Variants in PRDM7 observed in about 807,000 individuals in gnomAD.
The protein encoded by PRDM7 is histone-lysine N-methyltransferase PRDM7.
A neutral mutation model predicts 64.3 loss-of-function variants in PRDM7; 52 were observed. That is an observed-to-expected ratio of 0.81 (90% CI 0.65 to 1.02). The LOEUF (loss-of-function observed/expected upper bound fraction) is 1.02. Among genes scored for constraint, PRDM7 ranks in the 50% least tolerant of loss-of-function variants. PRDM7 has a pLI of 0.00. For synonymous variants in PRDM7, 192 were observed against 210.1 expected (o/e 0.91, Z 0.74); for missense variants, 574 against 597.1 (o/e 0.96, Z 0.40).
Position 90,062,209 on chromosome 16 carries a change from C to T in PRDM7, c.611-17G>A, listed in dbSNP as rs747941235. ...TCTCACAATCTGGAAGTGAGGGAAG[C>T]AGGGATTAGGAAAGTTGTAATGCAT... is the stretch of plus-strand genomic sequence containing the variant. On this transcript the variant is annotated splice_polypyrimidine_tract_variant and intron_variant, in intron 7 of 10. Transcript: ENST00000449207. 30 of 1,614,262 alleles carry T rather than the reference C, an allele frequency of 1.9e-5. No individual in the cohort carries two copies. Among genetic ancestry groups the T allele is most frequent in the Non-Finnish European group, 2.3e-5 (27 of 1,180,046 alleles).
chr16:90,070,926 G>A (rs1400519306), intron 4 of PRDM7, among the ~76,000 whole-genome samples: 6 of 152,194 alleles, frequency 3.9e-5, no homozygotes, highest in South Asian at 2.1e-4. Flanking sequence ...ATGAAAATAT[G>A]CTTAACATCA....
intron 4 of PRDM7, 58 bp from the exon 5 acceptor site, chr16:90,066,968 T>C (rs1161455967): frequency 1.1e-5 from 15 of 1,409,226 alleles, no homozygotes; most frequent in Admixed American, 1.7e-5. Flanking sequence ...ACTCTAGAGA[T>C]TTTTTTTTCT....
At position 90,074,954 on chromosome 16, in the gene PRDM7, G is replaced by A; in HGVS notation, c.263C>T (p.Thr88Ile). Residue 88 changes from threonine to isoleucine, a missense_variant, in exon 4 of 11, where the codon ACA becomes ATA. Thr to Ile is a moderately conservative substitution (Grantham distance 89). Transcript: ENST00000449207. ...TGTCCATTCTTCATCGGAATCTTCT[G>A]TGTCATCCACCTGGAGTTTGATGGC... is the stretch of plus-strand genomic sequence containing the variant. Reference protein sequence around the residue: ...RQAIKLQVDDTEDSDEEWTPR... With the variant: ...RQAIKLQVDDIEDSDEEWTPR... 6.2e-7 allele frequency: 1 copy of A among 1,613,968 alleles called. No individual in the cohort carries two copies. The highest frequency in any genetic ancestry group is 8.5e-7 in the Non-Finnish European group (1 of 1,179,988).
chr16:90,072,683 G>A (rs1426008471), intron 4 of PRDM7, among the ~76,000 whole-genome samples: 3 of 152,156 alleles, frequency 2.0e-5, no homozygotes, highest in Admixed American at 2.0e-4. Flanking sequence ...AGTTAATAAA[G>A]TTGTACGCTT....
At chr16:90,070,219 T>C (rs1281033395) in intron 4 of PRDM7, among the ~76,000 whole-genome samples, 2 of 151,022 alleles carry the variant, frequency 1.3e-5, no homozygotes, top group African/African-American at 4.9e-5. Context: ...AATACCTCAA[T>C]ATGATGGTAT....
chr16:90,065,412 GAAAGAAAAGA>G (rs939333087), intron 5 of PRDM7, among the ~76,000 whole-genome samples: 2 of 123,470 alleles, frequency 1.6e-5, no homozygotes, highest in Non-Finnish European at 3.5e-5. Context: ...AAAAAAAAAA[GAAAGAAAAGA>G]AAAGAAAAGA....
In PRDM7 at chr16:90,067,676, T is replaced by A. The variant is rs534223674; in HGVS notation, c.302-766A>T. On this transcript the variant is annotated intron_variant, in intron 4 of 10. Transcript: ENST00000449207. ...CGCGAGGTCGGCTCACTGCAAGCTCTGCCTCCTGGGTTCAGGCCATTCTCC... is the reference window on the plus strand; with the variant it reads ...CGCGAGGTCGGCTCACTGCAAGCTCAGCCTCCTGGGTTCAGGCCATTCTCC... Among the ~76,000 whole-genome samples, 120 of 148,382 alleles carry A rather than the reference T, an allele frequency of 8.1e-4. 1 individual carries two copies. The highest frequency in any genetic ancestry group is 1.5e-3 in the Non-Finnish European group (101 of 67,614).
At chr16:90,070,556 C>G (rs2037941614) in intron 4 of PRDM7, among the ~76,000 whole-genome samples, 1 of 151,044 alleles carries the variant, frequency 6.6e-6, no homozygotes, top group Non-Finnish European at 1.5e-5. Context: ...TGAACTCCAG[C>G]CTGTGGCAAC....
At chr16:90,067,779 A>C (rs1471825824) in intron 4 of PRDM7, among the ~76,000 whole-genome samples, 1 of 150,540 alleles carries the variant, frequency 6.6e-6, no homozygotes, top group African/African-American at 2.5e-5. Flanking sequence ...TTTAGTAGAG[A>C]TGGGGTTTCA....
At chr16:90,073,391 A>G (rs182516350) in intron 4 of PRDM7, among the ~76,000 whole-genome samples, 1 of 152,142 alleles carries the variant, frequency 6.6e-6, no homozygotes, top group Admixed American at 6.5e-5. Flanking sequence ...TTTTTTAAAA[A>G]AAGAATGACA....
In PRDM7 at chr16:90,063,524, CCAAAGT is replaced by C. The variant is rs2037818005; in HGVS notation, c.508+82_508+87del. 4.7e-6 allele frequency: 7 copies of C among 1,477,944 alleles called. No individual in the cohort carries two copies. In the Admixed American group the frequency reaches 1.3e-4, roughly 26 times the overall value. The allele number at this position is 1,477,944 out of a possible 1,614,324, so 91.6% of individuals were successfully genotyped here. A position where few individuals can be genotyped will look rare whatever the true frequency, so the allele number is the denominator to read the frequency against. ...GAGTCCAGCTTAAGCCCAGGCCTATCCAAAGTCCACCCCACATAGGTAGACCATACT... is the reference window on the plus strand; with the variant it reads ...GAGTCCAGCTTAAGCCCAGGCCTATCCCACCCCACATAGGTAGACCATACT... On this transcript the variant is annotated intron_variant, in intron 6 of 10. Transcript: ENST00000449207.
chr16:90,076,312 A>G (rs944190289), intron 1 of PRDM7, among the ~76,000 whole-genome samples: 2 of 152,136 alleles, frequency 1.3e-5, no homozygotes, highest in African/African-American at 4.8e-5. Context: ...TGAGAGCCAG[A>G]GGAGTCTCAA....
rs931030731 is a variant in PRDM7 at position 90,057,921 on chromosome 16, G to A, written c.*368C>T. 6.9e-5 allele frequency: 109 copies of A among 1,572,926 alleles called. No individual in the cohort carries two copies. The highest frequency in any genetic ancestry group is 1.2e-4 in the East Asian group (5 of 42,248). Reference sequence around the variant, plus strand: ...AGGACTGACTTCCGGCTAAAGCCCCGCTCACACTCTCTGCAGACATAAGGC... The same window carrying A: ...AGGACTGACTTCCGGCTAAAGCCCCACTCACACTCTCTGCAGACATAAGGC... On this transcript the variant is annotated 3_prime_UTR_variant, in exon 11 of 11. Transcript: ENST00000449207.
At position 90,074,961 on chromosome 16, in the gene PRDM7, C is replaced by A. The variant is rs2038014920; in HGVS notation, c.256G>T (p.Asp86Tyr). The change falls in exon 4 of 11, where the codon GAT becomes TAT. Residue 86 changes from aspartate (D) to tyrosine (Y), a missense_variant. By Grantham distance (160) the Asp-to-Tyr change is radical (BLOSUM62 -3). Transcript: ENST00000449207. ...HRRQAIKLQV[D>Y]DTEDSDEEWT... Reference sequence around the variant, plus strand: ...TCTTCATCGGAATCTTCTGTGTCATCCACCTGGAGTTTGATGGCCTGCCTT... The same window carrying A: ...TCTTCATCGGAATCTTCTGTGTCATACACCTGGAGTTTGATGGCCTGCCTT... 6.2e-7 allele frequency: 1 copy of A among 1,614,056 alleles called. No homozygotes were observed. Among genetic ancestry groups the A allele is most frequent in the Non-Finnish European group, 8.5e-7 (1 of 1,180,038 alleles).
chr16:90,073,784 T>C (rs1263407747), intron 4 of PRDM7, among the ~76,000 whole-genome samples: 2 of 150,278 alleles, frequency 1.3e-5, no homozygotes, highest in Non-Finnish European at 1.5e-5. Flanking sequence ...AGGAGGTCAC[T>C]TTTTTTTCCC....
intron 1 of PRDM7, among the ~76,000 whole-genome samples, chr16:90,076,897 T>C (rs1041433752): frequency 6.6e-6 from 1 of 152,070 alleles, no homozygotes; most frequent in African/African-American, 2.4e-5. Context: ...TTAGGTTATC[T>C]GTGGTTGGGG....
intron 6 of PRDM7, 78 bp from the exon 7 acceptor site, chr16:90,062,580 T>G: frequency 8.1e-7 from 1 of 1,238,580 alleles, no homozygotes; most frequent in Non-Finnish European, 1.2e-6. Flanking sequence ...ATGTGAAATC[T>G]CCTACCATCA....
At chr16:90,065,881 A>G (rs1292503680) in intron 5 of PRDM7, among the ~76,000 whole-genome samples, 4 of 151,298 alleles carry the variant, frequency 2.6e-5, no homozygotes, top group Non-Finnish European at 5.9e-5. Context: ...CTTGGAATCA[A>G]TCATTCAGAA....
intron 7 of PRDM7, 76 bp from the exon 8 acceptor site, chr16:90,062,268 G>C (rs2037793359): frequency 6.2e-7 from 1 of 1,613,948 alleles, no homozygotes; most frequent in African/African-American, 1.3e-5. Flanking sequence ...AAAGAGCGTG[G>C]CACTCACATT....
Sources: gnomAD v4.1 joint callset for allele counts (sites outside exome capture counted in the v4.1 genomes callset) on GRCh38, gnomAD v4.1.1 for gene constraint, MANE v1.5 for transcripts, NCBI Gene and HGNC (gene_info 2026-07-23, HGNC 2026-07-21) for gene names.